The following CYYR1 variants were observed in gnomAD, a reference collection of about 807,000 sequenced individuals.
CYYR1 encodes the protein cysteine and tyrosine-rich protein 1.
Under a neutral mutation model 15.2 loss-of-function variants are expected in CYYR1, and 14 were observed. The ratio of observed to expected loss-of-function variants is 0.92; its 90% CI spans 0.61 to 1.44. The LOEUF (loss-of-function observed/expected upper bound fraction) is 1.44, where lower values mean the gene tolerates loss of function less well. Ranked by LOEUF, CYYR1 falls within the 40% of genes most tolerant of loss-of-function variation. CYYR1 has a pLI of 0.00. For synonymous variants in CYYR1, 80 were observed against 77.4 expected (o/e 1.03, Z -0.18); for missense variants, 228 against 209.5 (o/e 1.09, Z -0.54).
At chr21:26,482,792 T>C (rs2123409588) in intron 2 of CYYR1, among the ~76,000 whole-genome samples, 1 of 152,238 alleles carries the variant, frequency 6.6e-6, no homozygotes, top group South Asian at 2.1e-4. Context: ...TTATAATTAC[T>C]TTCCTTTGTG....
At chr21:26,474,060 T>C (rs1015039121) in intron 3 of CYYR1, among the ~76,000 whole-genome samples, 25 of 150,822 alleles carry the variant, frequency 1.7e-4, no homozygotes, top group Non-Finnish European at 3.5e-4. Context: ...TTTTTTTTTT[T>C]TTTTGAGATG....
At chr21:26,562,715 C>A (rs954322422) in intron 2 of CYYR1, among the ~76,000 whole-genome samples, 1 of 148,944 alleles carries the variant, frequency 6.7e-6, no homozygotes, top group Non-Finnish European at 1.5e-5. Flanking sequence ...GTTCCCTAAA[C>A]ATCTCCTCCT....
At chr21:26,531,182 C>A (rs867851987) in intron 2 of CYYR1, among the ~76,000 whole-genome samples, 1 of 152,160 alleles carries the variant, frequency 6.6e-6, no homozygotes, top group Non-Finnish European at 1.5e-5. Context: ...ACCAGGGACA[C>A]CTCGTCGGAT....
At chr21:26,495,642 T>C (rs183384582) in intron 2 of CYYR1, among the ~76,000 whole-genome samples, 159 of 152,198 alleles carry the variant, frequency 1.0e-3, no homozygotes, top group South Asian at 1.9e-3. Context: ...GCCCACAATA[T>C]GGAAGGAGGC....
intron 2 of CYYR1, among the ~76,000 whole-genome samples, chr21:26,480,879 C>G (rs2065171321): frequency 1.3e-5 from 2 of 152,210 alleles, no homozygotes; most frequent in Admixed American, 1.3e-4. Flanking sequence ...ACACTCATTC[C>G]TGATTAACAC....
At chr21:26,489,171 T>G (rs553006100) in intron 2 of CYYR1, among the ~76,000 whole-genome samples, 1 of 152,204 alleles carries the variant, frequency 6.6e-6, no homozygotes, top group East Asian at 1.9e-4. Context: ...TTGTTCCTCA[T>G]ATCTTACGTA....
In CYYR1 at chr21:26,478,338, G is replaced by T. The variant is rs556990727; in HGVS notation, c.334+1934C>A. Among the ~76,000 whole-genome samples the T allele has an allele frequency of 5.3e-5, 8 of 152,228 alleles. No homozygotes were observed. In the South Asian group the frequency reaches 1.5e-3, roughly 28 times the overall value. ...ATTCAGGAGGTGACCTTTGATTAAA[G>T]ACTTAAATGAAGTGAGGGAGTCAGT... On this transcript the variant is annotated intron_variant, in intron 3 of 3. Coordinates refer to ENST00000652641, the MANE Select transcript of CYYR1 (RefSeq NM_001320768.2).
At chr21:26,518,168 A>G (rs538449252) in intron 2 of CYYR1, among the ~76,000 whole-genome samples, 10 of 152,320 alleles carry the variant, frequency 6.6e-5, no homozygotes, top group Admixed American at 5.9e-4. Context: ...ATGAAAGTAG[A>G]AATCAGCCGC....
intron 2 of CYYR1, among the ~76,000 whole-genome samples, chr21:26,505,277 C>T (rs2065540201): frequency 1.3e-5 from 2 of 152,204 alleles, no homozygotes; most frequent in Middle Eastern, 6.8e-3. Flanking sequence ...TTAATATTCC[C>T]TCCAAAAATT....
At chr21:26,487,730 C>G (rs922305414) in intron 2 of CYYR1, among the ~76,000 whole-genome samples, 15 of 152,004 alleles carry the variant, frequency 9.9e-5, no homozygotes, top group African/African-American at 3.6e-4. Flanking sequence ...AGAACTATCT[C>G]TATTTCTATT....
chr21:26,563,845 G>T (rs1980413728), intron 2 of CYYR1, among the ~76,000 whole-genome samples: 1 of 152,034 alleles, frequency 6.6e-6, no homozygotes, highest in Non-Finnish European at 1.5e-5. Context: ...ATTATATTTT[G>T]CTCTCTTTTT....
intron 2 of CYYR1, among the ~76,000 whole-genome samples, chr21:26,501,922 A>G (rs951111246): frequency 2.6e-5 from 4 of 152,244 alleles, no homozygotes; most frequent in Admixed American, 2.0e-4. Flanking sequence ...GGATAAACAC[A>G]TACACCAAAG....
At chr21:26,550,163 A>G (rs1463477363) in intron 2 of CYYR1, among the ~76,000 whole-genome samples, 1 of 152,056 alleles carries the variant, frequency 6.6e-6, no homozygotes, top group Admixed American at 6.6e-5. Context: ...TGTTATGGTA[A>G]TTGTGATCAG....
chr21:26,480,062 A>G (rs912364152), intron 3 of CYYR1, among the ~76,000 whole-genome samples: 2 of 152,080 alleles, frequency 1.3e-5, no homozygotes, highest in African/African-American at 4.8e-5. Flanking sequence ...GACATTAAAA[A>G]TATGAATACC....
intron 2 of CYYR1, among the ~76,000 whole-genome samples, chr21:26,517,916 A>C (rs1174909949): frequency 6.6e-6 from 1 of 152,144 alleles, no homozygotes; most frequent in East Asian, 1.9e-4. Flanking sequence ...AAGAACATAC[A>C]GGTATTTCTT....
chr21:26,520,304 C>T (rs9976080), intron 2 of CYYR1, among the ~76,000 whole-genome samples: 1 of 151,640 alleles, frequency 6.6e-6, no homozygotes, highest in Non-Finnish European at 1.5e-5. Flanking sequence ...TGTTCAACTC[C>T]TACTTATAAA....
intron 2 of CYYR1, among the ~76,000 whole-genome samples, chr21:26,532,062 G>A (rs1035030802): frequency 3.3e-5 from 5 of 151,958 alleles, no homozygotes; most frequent in African/African-American, 1.2e-4. Context: ...TATGTAAAGC[G>A]AGAAAAAAAG....
chr21:26,540,021 T>G (rs1294475730), intron 2 of CYYR1, among the ~76,000 whole-genome samples: 3 of 152,228 alleles, frequency 2.0e-5, no homozygotes, highest in Non-Finnish European at 4.4e-5. Context: ...AGGCCTCTTT[T>G]TTGTGTTTTA....
intron 3 of CYYR1, chr21:26,477,738 A>G (rs1486371928): frequency 1.0e-6 from 1 of 984,872 alleles, no homozygotes; most frequent in Non-Finnish European, 1.2e-6. Context: ...AATTCTTCAT[A>G]CCTTCTCTAC....
Sources: allele counts gnomAD v4.1 joint callset (sites outside exome capture counted in the v4.1 genomes callset), GRCh38; gene constraint gnomAD v4.1.1; transcripts MANE v1.5; gene names NCBI Gene and HGNC (gene_info 2026-07-23, HGNC 2026-07-21).